Variants in UMODL1 observed in about 807,000 individuals in gnomAD.
The protein encoded by UMODL1 is uromodulin like 1.
In UMODL1, 128 loss-of-function variants were observed where a neutral mutation model predicts 136.3. The observed-to-expected ratio is 0.94, with a 90% confidence interval of 0.81 to 1.09. The LOEUF is 1.09. Ranked by LOEUF, UMODL1 falls within the 50% of genes least tolerant of loss-of-function variation. The pLI is 0.00. For synonymous variants in UMODL1, 721 were observed against 720.0 expected, an observed-to-expected ratio of 1.00 and a Z score of -0.02; for missense variants, 1,766 against 1,725.6, an observed-to-expected ratio of 1.02 and a Z score of -0.41.
Position 42,115,919 on chromosome 21 carries a change from C to T in UMODL1, c.2409C>T (p.Tyr803=), listed in dbSNP as rs767531758. 9 of 1,613,962 alleles carry T rather than the reference C, an allele frequency of 5.6e-6. No homozygotes were observed. Among genetic ancestry groups the T allele is most frequent in the Non-Finnish European group, 7.6e-6 (9 of 1,180,024 alleles). ...IGKVRIKNVR[Y]SESFRNASSQ... ...AGGTCAGAATCAAAAATGTCAGGTA[C>T]TCAGAATCCTTTCGCAACGCAAGCA... The change falls in exon 14 of 23, where the codon TAC becomes TAT. Residue 803 remains tyrosine, a synonymous_variant. Coordinates refer to ENST00000408910, the MANE Select transcript of UMODL1 (RefSeq NM_001004416.3).
At chr21:42,071,501 G>C in intron 1 of UMODL1, 109 bp downstream of exon 1, 1 of 1,092,040 alleles carries the variant, frequency 9.2e-7, no homozygotes, top group East Asian at 3.1e-5. Flanking sequence ...GGACGCCTCT[G>C]CTTGGAGAGG....
intron 2 of UMODL1, among the ~76,000 whole-genome samples, chr21:42,083,080 G>A (rs1394886992): frequency 2.0e-5 from 3 of 152,204 alleles, no homozygotes; most frequent in African/African-American, 7.2e-5. Context: ...TCTGTGTCTA[G>A]AGCTGCATCG....
intron 22 of UMODL1, among the ~76,000 whole-genome samples, chr21:42,141,631 T>C (rs1175930973): frequency 6.6e-6 from 1 of 151,950 alleles, no homozygotes; most frequent in Non-Finnish European, 1.5e-5. Flanking sequence ...CCGGGGCTCC[T>C]GTCTTTCGAA....
intron 9 of UMODL1, chr21:42,108,458 G>T: frequency 4.3e-6 from 2 of 464,932 alleles, no homozygotes; most frequent in Admixed American, 4.7e-5. Context: ...TGTGGAGACC[G>T]CAGGAAGCAC....
chr21:42,097,058 G>A (rs1355094360), intron 6 of UMODL1, among the ~76,000 whole-genome samples: 1 of 152,122 alleles, frequency 6.6e-6, no homozygotes, highest in African/African-American at 2.4e-5. Flanking sequence ...CCCAAGCTTT[G>A]GGCCACCCTC....
intron 6 of UMODL1, among the ~76,000 whole-genome samples, chr21:42,097,120 G>A (rs1035339681): frequency 6.6e-6 from 1 of 152,194 alleles, no homozygotes; most frequent in Non-Finnish European, 1.5e-5. Context: ...CATAAAGAAT[G>A]AATCCATGTC....
intron 1 of UMODL1, among the ~76,000 whole-genome samples, chr21:42,073,023 C>T (rs1392742109): frequency 4.7e-5 from 7 of 150,366 alleles, no homozygotes; most frequent in Middle Eastern, 3.5e-3. Context: ...TGTGTGTGTG[C>T]GCGCGCGCGT....
intron 2 of UMODL1, among the ~76,000 whole-genome samples, chr21:42,080,096 C>T (rs898257394): frequency 6.6e-6 from 1 of 152,178 alleles, no homozygotes; most frequent in South Asian, 2.1e-4. Flanking sequence ...CTGTGGTGGG[C>T]GGATTTACAC....
At position 42,085,710 on chromosome 21, in the gene UMODL1, C is replaced by T. The variant is rs189782437; in HGVS notation, c.603+298C>T. Among the ~76,000 whole-genome samples the T allele has an allele frequency of 6.6e-6, 1 of 152,288 alleles. No individual in the cohort carries two copies. The highest frequency in any genetic ancestry group is 2.4e-5 in the African/African-American group (1 of 41,550). On this transcript the variant is annotated intron_variant, in intron 4 of 22. Coordinates refer to ENST00000408910, the MANE Select transcript of UMODL1 (RefSeq NM_001004416.3). This position sits in a 1 kb window ranked among gnomAD's most constrained non-coding sequence, Gnocchi z 4.5. Reference sequence around the variant, plus strand: ...CGCGGATCCCTAAGCTTGCAGGGGTCTGCAGTCCCAGCAAAGACAGCCTAA... The same window carrying T: ...CGCGGATCCCTAAGCTTGCAGGGGTTTGCAGTCCCAGCAAAGACAGCCTAA...
chr21:42,130,762 G>A (rs1006635831), intron 21 of UMODL1, among the ~76,000 whole-genome samples: 1 of 151,770 alleles, frequency 6.6e-6, no homozygotes, highest in African/African-American at 2.4e-5. Flanking sequence ...TGGCTTCCCA[G>A]GACACCATGG....
chr21:42,065,477 A>G (rs2066175619), intron 1 of UMODL1, among the ~76,000 whole-genome samples: 1 of 146,372 alleles, frequency 6.8e-6, no homozygotes, highest in Admixed American at 6.7e-5. Flanking sequence ...TATCTTCACT[A>G]TCTGGAAACA....
At chr21:42,097,094 C>A (rs1226529973) in intron 6 of UMODL1, among the ~76,000 whole-genome samples, 1 of 152,164 alleles carries the variant, frequency 6.6e-6, no homozygotes, top group East Asian at 1.9e-4. Flanking sequence ...GCTTTTCTTG[C>A]CACTAAAGAA....
chr21:42,130,247 C>CGT (rs961835080), intron 21 of UMODL1, among the ~76,000 whole-genome samples: 3 of 100,874 alleles, frequency 3.0e-5, no homozygotes, highest in African/African-American at 1.1e-4. Context: ...TGTGTGTGTG[C>CGT]GTGCACACGA....
Position 42,113,761 on chromosome 21 carries a change from C to A in UMODL1, c.2293C>A (p.His765Asn), listed in dbSNP as rs2066868677. Residue 765 changes from histidine (H) to asparagine (N), a missense_variant, in exon 13 of 23, where the codon CAC becomes AAC. His to Asn is a moderately conservative substitution (Grantham distance 68). Coordinates refer to ENST00000408910, the MANE Select transcript of UMODL1 (RefSeq NM_001004416.3). ...GTCGGGGCTGGAGCCTGGGGTCTTG[C>A]ACCTGGTTGAGATCATGGCCAAAGC... The part of the protein sequence containing the change: ...TLSGLEPGVL[H>N]LVEIMAKACG... The A allele has an allele frequency of 6.2e-7, 1 of 1,613,952 alleles. No homozygotes were observed. Among genetic ancestry groups the A allele is most frequent in the South Asian group, 1.1e-5 (1 of 91,080 alleles).
At chr21:42,111,153 AC>A (rs1569162489) in intron 11 of UMODL1, 32 bp downstream of exon 11, 1 of 1,589,858 alleles carries the variant, frequency 6.3e-7, no homozygotes, top group East Asian at 2.3e-5. Context: ...CTGGGGATGG[AC>A]CAGGGGAGCC....
chr21:42,087,101 GGTT>G (rs1234792367), intron 4 of UMODL1, among the ~76,000 whole-genome samples: 1 of 152,230 alleles, frequency 6.6e-6, no homozygotes, highest in Non-Finnish European at 1.5e-5. Flanking sequence ...GAGATGTTGT[GGTT>G]GTTGTGTTTT....
chr21:42,102,304 C>A, intron 8 of UMODL1, 26 bp downstream of exon 8: 1 of 1,539,472 alleles, frequency 6.5e-7, no homozygotes, highest in Non-Finnish European at 9.0e-7. Flanking sequence ...AGACAGAAAT[C>A]TTTTCTTGGG....
rs182912247 is a variant in UMODL1 at position 42,109,569 on chromosome 21, C to A, written c.1527C>A (p.Asp509Glu). 2 of 1,611,326 alleles carry A rather than the reference C, an allele frequency of 1.2e-6. No individual in the cohort carries two copies. The highest frequency in any genetic ancestry group is 1.1e-5 in the South Asian group (1 of 91,086). Residue 509 changes from aspartate to glutamate, a missense_variant, in exon 10 of 23, where the codon GAC (aspartate) becomes GAA (glutamate). By Grantham distance (45) the Asp-to-Glu change is conservative. Transcript: ENST00000408910. The stretch of plus-strand genomic sequence containing the variant: ...TGTGTCTCCCCCTGGCAGACTGGGA[C>A]GAGTGTGTGGACAGCGCGGAACACG... ...DRQGTRVQDW[D>E]ECVDSAEHDC...
At position 42,084,188 on chromosome 21, in the gene UMODL1, C is replaced by T. The variant is rs143843395; in HGVS notation, c.424C>T (p.Leu142Phe). ...PCSLDIDCPGLEKCCPWSGGR... is the reference protein window; with the variant it reads ...PCSLDIDCPGFEKCCPWSGGR... ...CAGCTTGGACATCGACTGTCCTGGA[C>T]TTGAGAAGTGCTGCCCCTGGTCAGG... The change falls in exon 3 of 23, where the codon CTT becomes TTT. Residue 142 changes from leucine to phenylalanine, a missense_variant. Physicochemically the swap from Leu to Phe is conservative, Grantham distance 22. Coordinates refer to ENST00000408910, the MANE Select transcript of UMODL1 (RefSeq NM_001004416.3). 673 of 1,614,014 alleles carry T rather than the reference C, an allele frequency of 4.2e-4. 4 individuals carry two copies. The African/African-American group carries it at 6.9e-3, about 16-fold the overall frequency.
Sources: gnomAD v4.1 joint callset for allele counts (sites outside exome capture counted in the v4.1 genomes callset) on GRCh38, gnomAD v4.1.1 for gene constraint, Gnocchi (gnomAD v3.1) non-coding constraint, MANE v1.5 for transcripts, NCBI Gene and HGNC (gene_info 2026-07-23, HGNC 2026-07-21) for gene names.